ARID1B: variants seen among roughly 807,000 people sequenced by gnomAD.
ARID1B encodes AT-rich interaction domain 1B.
In ARID1B, 30 loss-of-function variants were observed where a neutral mutation model predicts 212.3. That is an observed-to-expected ratio of 0.14 (90% confidence interval 0.11 to 0.19). ARID1B has a LOEUF of 0.19. Ranked by LOEUF, ARID1B falls within the 10% of genes least tolerant of loss-of-function variation. The pLI, the probability that ARID1B is intolerant of heterozygous loss-of-function variation, is 1.00. For synonymous variants in ARID1B, 1,402 were observed against 1,301.7 expected (o/e 1.08, Z -1.66); for missense variants, 2,891 against 3,204.0 (o/e 0.90, Z 2.36).
chr6:156,847,391 G>C (rs934212055), intron 2 of ARID1B, among the ~76,000 whole-genome samples: 1 of 152,200 alleles, frequency 6.6e-6, no homozygotes. Context: ...GGGAACTCAG[G>C]AAGTGCTGCT....
chr6:156,857,788 A>G (rs528410581), intron 2 of ARID1B, among the ~76,000 whole-genome samples: 1 of 152,314 alleles, frequency 6.6e-6, no homozygotes, highest in African/African-American at 2.4e-5. Context: ...CATAGAGTGT[A>G]CTCACACAAA....
intron 5 of ARID1B, among the ~76,000 whole-genome samples, chr6:157,088,307 A>C (rs1562607523): frequency 6.6e-6 from 1 of 152,198 alleles, no homozygotes; most frequent in Non-Finnish European, 1.5e-5. Flanking sequence ...GCTTGAGTCC[A>C]GGTATTACCC....
intron 1 of ARID1B, among the ~76,000 whole-genome samples, chr6:156,809,777 A>G (rs1026867579): frequency 6.6e-6 from 1 of 151,170 alleles, no homozygotes; most frequent in Non-Finnish European, 1.5e-5. Flanking sequence ...ATTCAAAAGT[A>G]GCCTTCTCAA....
intron 1 of ARID1B, 168 bp downstream of exon 1, chr6:156,779,639 G>T (rs1487033667): frequency 2.4e-5 from 14 of 592,718 alleles, no homozygotes; most frequent in Non-Finnish European, 3.1e-5. Context: ...CGGTCGGGGC[G>T]CCCCGGGGGC....
In ARID1B at chr6:156,778,047, T is replaced by A. The variant is rs1051551529; in HGVS notation, c.367T>A (p.Ser123Thr). The A allele has an allele frequency of 4.6e-6, 7 of 1,529,668 alleles. No individual in the cohort carries two copies. Among genetic ancestry groups the A allele is most frequent in the Non-Finnish European group, 6.1e-6 (7 of 1,143,968 alleles). 94.8% of individuals were successfully genotyped at this position (1,529,668 alleles called of 1,614,324 possible). ...CGCCGCGCTGTCCTCCTCCTCCTCC[T>A]CCTCCGCGGCGGCAGCGGCGGCATC... ...SAAALSSSSS[S>T]SAAAAAASSS... Residue 123 changes from serine to threonine, a missense_variant, in exon 1 of 20, where the codon TCC (serine) becomes ACC (threonine). Around this residue, in one of 7 missense-constraint regions of ARID1B, gnomAD observed 1,643 missense variants for 1,544.0 expected, o/e 1.06. Coordinates refer to ENST00000636930, the MANE Select transcript of ARID1B (RefSeq NM_001374828.1).
chr6:156,871,693 T>A, intron 2 of ARID1B: 1 of 1,601,438 alleles, frequency 6.2e-7, no homozygotes, highest in Non-Finnish European at 8.5e-7. Flanking sequence ...TCCAAGTCTT[T>A]GGGACAGCAT....
rs1163639287 is a variant in ARID1B at position 156,955,927 on chromosome 6, A to G, written c.2247+20351A>G. Reference sequence around the variant, plus strand: ...TGGTGGTGGAAGCCGCGCCTGTTCTATTTCCTCACCTTCCTGTGTTCATCT... The same window carrying G: ...TGGTGGTGGAAGCCGCGCCTGTTCTGTTTCCTCACCTTCCTGTGTTCATCT... On this transcript the variant is annotated intron_variant, in intron 4 of 19. Coordinates refer to ENST00000636930, the MANE Select transcript of ARID1B (RefSeq NM_001374828.1). The surrounding 1 kb of genome is among the most constrained non-coding windows in gnomAD (Gnocchi z 4.2). 6.6e-6 allele frequency among the ~76,000 whole-genome samples: 1 copy of G among 152,006 alleles called. No homozygotes were observed. Among genetic ancestry groups the G allele is most frequent in the Non-Finnish European group, 1.5e-5 (1 of 67,992 alleles).
intron 2 of ARID1B, among the ~76,000 whole-genome samples, chr6:156,877,857 G>A (rs1786685997): frequency 6.7e-6 from 1 of 150,356 alleles, no homozygotes; most frequent in African/African-American, 2.5e-5. Flanking sequence ...CTACAGGCGT[G>A]TGCCTCCATA....
intron 13 of ARID1B, chr6:157,184,792 T>C (rs1181924387): frequency 3.2e-6 from 1 of 312,410 alleles, no homozygotes; most frequent in Non-Finnish European, 6.1e-6. Flanking sequence ...AGTGGCCAGT[T>C]TGAATACATG....
At chr6:157,204,872 A>G (rs1794342853) in intron 19 of ARID1B, 1 of 152,234 alleles carries the variant, frequency 6.6e-6, no homozygotes, top group Non-Finnish European at 1.5e-5. Flanking sequence ...CCTTGCTTCT[A>G]AGGAAATAAG....
At chr6:156,845,017 C>T (rs1784135351) in intron 2 of ARID1B, among the ~76,000 whole-genome samples, 1 of 152,198 alleles carries the variant, frequency 6.6e-6, no homozygotes, top group Admixed American at 6.5e-5. Context: ...GGATGACCAT[C>T]ATCTTTTGAA....
chr6:157,144,377 A>G (rs1047340776), intron 7 of ARID1B, among the ~76,000 whole-genome samples: 2 of 152,228 alleles, frequency 1.3e-5, no homozygotes, highest in African/African-American at 4.8e-5. Context: ...AAGGGCACAT[A>G]AGTTTTCACT....
rs1179204023 is a variant in ARID1B, at chr6:157,110,524, T to G, written c.2544T>G (p.His848Gln). The stretch of plus-strand genomic sequence containing the variant: ...GGAGCCAGTCAGAATCCAGTTCCCA[T>G]CCCGCCTTGAGCCAGTCACCAATGC... ...PPGSQSESSSHPALSQSPMPQ... is the reference protein window; with the variant it reads ...PPGSQSESSSQPALSQSPMPQ... The change falls in exon 6 of 20, where the codon CAT becomes CAG. Residue 848 changes from histidine (H) to glutamine (Q), a missense_variant. By Grantham distance (24) the His-to-Gln change is conservative. Transcript: ENST00000636930. 4 of 1,614,140 alleles carry G rather than the reference T, an allele frequency of 2.5e-6. No individual in the cohort carries two copies. In the South Asian group the frequency reaches 4.4e-5, roughly 18 times the overall value.
At chr6:156,950,165 G>C (rs1041682956) in intron 4 of ARID1B, among the ~76,000 whole-genome samples, 1 of 151,386 alleles carries the variant, frequency 6.6e-6, no homozygotes, top group African/African-American at 2.4e-5. Context: ...TCAGCTCATG[G>C]TATTACTAGT....
chr6:157,144,984 A>T (rs6557533), intron 7 of ARID1B, among the ~76,000 whole-genome samples: 4 of 152,122 alleles, frequency 2.6e-5, no homozygotes, highest in Non-Finnish European at 5.9e-5. Context: ...GGAGCTGCCA[A>T]TAAAAAAGCT....
chr6:156,914,769 G>C (rs959304038), intron 3 of ARID1B, among the ~76,000 whole-genome samples: 1 of 152,112 alleles, frequency 6.6e-6, no homozygotes, highest in African/African-American at 2.4e-5. Flanking sequence ...CGGGCCTCTG[G>C]CCACCCAGCC....
chr6:157,013,979 C>T (rs1482962928), intron 4 of ARID1B, among the ~76,000 whole-genome samples: 2 of 152,150 alleles, frequency 1.3e-5, no homozygotes, highest in Non-Finnish European at 2.9e-5. Flanking sequence ...TTTTTGATGA[C>T]ATTATTGAAT....
At chr6:157,043,307 C>G (rs1239226875) in intron 4 of ARID1B, among the ~76,000 whole-genome samples, 1 of 152,256 alleles carries the variant, frequency 6.6e-6, no homozygotes, top group South Asian at 2.1e-4. Context: ...TGCTTTCCCT[C>G]CAGGCTCCAT....
chr6:156,778,031 G>GTCCTCCTCC lies in ARID1B; in HGVS notation c.364_372dup (p.Ser122_Ser124dup), dbSNP rs770512547. On this transcript the variant is annotated inframe_insertion, in exon 1 of 20. Transcript: ENST00000636930. The stretch of plus-strand genomic sequence containing the variant: ...AGGAGGGTGGAAGCGCCGCCGCGCT[G>GTCCTCCTCC]TCCTCCTCCTCCTCCTCCTCCGCGG... 24 of 1,532,400 alleles carry GTCCTCCTCC rather than the reference G, an allele frequency of 1.6e-5. No individual in the cohort carries two copies. Among genetic ancestry groups the GTCCTCCTCC allele is most frequent in the Middle Eastern group, 1.9e-4 (1 of 5,404 alleles). 94.9% of individuals were successfully genotyped at this position (1,532,400 alleles called of 1,614,324 possible).
Sources: gnomAD v4.1 joint callset for allele counts (sites outside exome capture counted in the v4.1 genomes callset) on GRCh38, gnomAD v4.1.1 for gene constraint, gnomAD v4.1.1 regional missense constraint, Gnocchi (gnomAD v3.1) non-coding constraint, MANE v1.5 for transcripts, NCBI Gene and HGNC (gene_info 2026-07-23, HGNC 2026-07-21) for gene names.